Variants in RFX4 observed in about 807,000 individuals in gnomAD.
RFX4 encodes the protein transcription factor RFX4.
RFX4 carries 10 observed loss-of-function variants against 95.0 expected under a neutral mutation model. The ratio of observed to expected loss-of-function variants is 0.11; its 90% CI spans 0.06 to 0.18. RFX4 has a LOEUF of 0.18. RFX4 is among the 10% of genes least tolerant of loss of function. The probability of loss-of-function intolerance (pLI) is 1.00; values close to 1 mark genes in which losing one functional copy is unlikely to be tolerated. For synonymous variants in RFX4, 321 were observed against 340.7 expected, an observed-to-expected ratio of 0.94 and a Z score of 0.64; for missense variants, 640 against 922.0, an observed-to-expected ratio of 0.69 and a Z score of 3.96.
At chr12:106,732,351 GT>G in intron 14 of RFX4, 102 bp downstream of exon 14, 1 of 1,486,354 alleles carries the variant, frequency 6.7e-7, no homozygotes, top group Non-Finnish European at 9.1e-7. Context: ...AAAGAATTTA[GT>G]TATGGTGAAC....
chr12:106,684,528 T>C (rs1324508936), intron 5 of RFX4: 1 of 313,454 alleles, frequency 3.2e-6, no homozygotes, highest in Admixed American at 4.9e-5. Context: ...CTGTGGTTGT[T>C]GATTTTAGCT....
chr12:106,728,772 T>C (rs994053511), intron 13 of RFX4, among the ~76,000 whole-genome samples: 2 of 152,306 alleles, frequency 1.3e-5, no homozygotes, highest in African/African-American at 4.8e-5. Flanking sequence ...TGCCCAATAA[T>C]CTTAATGATT....
chr12:106,607,368 T>C (rs952393550), intron 1 of RFX4, among the ~76,000 whole-genome samples: 1 of 152,108 alleles, frequency 6.6e-6, no homozygotes, highest in Admixed American at 6.5e-5. Context: ...AATACACAAA[T>C]ACAATAAAAA....
chr12:106,663,719 T>G (rs1352626382), intron 4 of RFX4, among the ~76,000 whole-genome samples: 2 of 151,808 alleles, frequency 1.3e-5, no homozygotes, highest in East Asian at 3.9e-4. Flanking sequence ...TTTATCAAAT[T>G]GAAGAAATTA....
intron 4 of RFX4, among the ~76,000 whole-genome samples, chr12:106,664,454 T>C (rs968877618): frequency 6.6e-6 from 1 of 151,854 alleles, no homozygotes; most frequent in Non-Finnish European, 1.5e-5. Flanking sequence ...TTTTTCTTTG[T>C]TATGCTTGCT....
intron 4 of RFX4, among the ~76,000 whole-genome samples, chr12:106,678,574 A>T (rs2041443262): frequency 6.6e-6 from 1 of 152,230 alleles, no homozygotes; most frequent in Non-Finnish European, 1.5e-5. Flanking sequence ...TATTTCAATA[A>T]GGAAATCCTT....
At chr12:106,686,839 C>CTTTTT (rs56287989) in intron 5 of RFX4, 45 bp from the exon 6 acceptor site, 1 of 1,395,422 alleles carries the variant, frequency 7.2e-7, no homozygotes, top group South Asian at 1.2e-5. Context: ...GGGTCTCTCT[C>CTTTTT]TTTTTTTTTT....
chr12:106,704,963 T>C (rs752956331), intron 8 of RFX4, among the ~76,000 whole-genome samples: 46 of 152,196 alleles, frequency 3.0e-4, no homozygotes, highest in South Asian at 8.3e-4. Flanking sequence ...GCACTGGAGA[T>C]GGGGAGCAGC....
chr12:106,624,766 G>A (rs1360830845), intron 2 of RFX4, among the ~76,000 whole-genome samples: 1 of 152,136 alleles, frequency 6.6e-6, no homozygotes, highest in Admixed American at 6.5e-5. Flanking sequence ...CCAACTCTTG[G>A]TTAGAAAAAT....
intron 4 of RFX4, among the ~76,000 whole-genome samples, chr12:106,665,808 A>G (rs932833445): frequency 7.0e-6 from 1 of 142,934 alleles, no homozygotes; most frequent in Non-Finnish European, 1.6e-5. Context: ...TGCCCTCTGT[A>G]AAAAAAAACA....
intron 15 of RFX4, among the ~76,000 whole-genome samples, chr12:106,739,906 T>C (rs528656987): frequency 6.6e-5 from 10 of 152,310 alleles, no homozygotes; most frequent in African/African-American, 2.4e-4. Context: ...TGGCAGGCAG[T>C]GCCAAACTGA....
chr12:106,761,133 G>A (rs2043201720), intron 17 of RFX4, 64 bp from the exon 18 acceptor site: 1 of 1,512,100 alleles, frequency 6.6e-7, no homozygotes, highest in Admixed American at 1.8e-5. Context: ...AAACATGACT[G>A]ATATTGTGTA....
chr12:106,655,250 T>C (rs2040933772), intron 4 of RFX4, among the ~76,000 whole-genome samples: 1 of 152,278 alleles, frequency 6.6e-6, no homozygotes, highest in East Asian at 1.9e-4. Context: ...GGCTGAGAAA[T>C]GGCTCCATTC....
At chr12:106,588,523 C>G (rs745483427) in intron 1 of RFX4, among the ~76,000 whole-genome samples, 3 of 152,200 alleles carry the variant, frequency 2.0e-5, no homozygotes, top group Non-Finnish European at 4.4e-5. Context: ...TCTCTTCTCA[C>G]GCCTAGGCAT....
chr12:106,687,549 C>CAAAAA (rs34562413), intron 6 of RFX4, among the ~76,000 whole-genome samples: 2 of 73,888 alleles, frequency 2.7e-5, no homozygotes, highest in East Asian at 4.4e-4. Flanking sequence ...AACTCCATCT[C>CAAAAA]AAAAAAAAAA....
At chr12:106,691,263 C>T (rs942111137) in intron 7 of RFX4, among the ~76,000 whole-genome samples, 19 of 152,292 alleles carry the variant, frequency 1.2e-4, no homozygotes, top group Middle Eastern at 3.4e-3. Context: ...CTGGTAAAAG[C>T]TCTTTGTAAA....
chr12:106,685,051 GA>G, intron 5 of RFX4: 1 of 1,345,436 alleles, frequency 7.4e-7, no homozygotes, highest in African/African-American at 1.5e-5. Context: ...CATGGGTAGA[GA>G]AAAGTAGTTA....
intron 16 of RFX4, among the ~76,000 whole-genome samples, chr12:106,749,934 C>A (rs992247361): frequency 4.6e-5 from 7 of 152,144 alleles, no homozygotes; most frequent in African/African-American, 1.4e-4. Flanking sequence ...CTGAGTGATA[C>A]AAAAACATAA....
chr12:106,684,203 CA>C (rs1408940749), intron 5 of RFX4, among the ~76,000 whole-genome samples: 1 of 152,014 alleles, frequency 6.6e-6, no homozygotes, highest in Non-Finnish European at 1.5e-5. Context: ...CCCATCTCTA[CA>C]AAAAATACAA....
Sources: gnomAD v4.1 joint callset for allele counts (sites outside exome capture counted in the v4.1 genomes callset) on GRCh38, gnomAD v4.1.1 for gene constraint, MANE v1.5 for transcripts, NCBI Gene and HGNC (gene_info 2026-07-23, HGNC 2026-07-21) for gene names.